SLC22A23: variants seen among roughly 807,000 people sequenced by gnomAD.
SLC22A23 encodes the protein ion transporter protein.
Under a neutral mutation model 61.0 loss-of-function variants are expected in SLC22A23, and 26 were observed. That is an observed-to-expected ratio of 0.43 (90% CI 0.31 to 0.59). SLC22A23 has a LOEUF of 0.59. SLC22A23 is among the 20% of genes least tolerant of loss of function. The pLI, the probability that SLC22A23 is intolerant of heterozygous loss-of-function variation, is 0.11. For synonymous variants in SLC22A23, 430 were observed against 413.9 expected, an observed-to-expected ratio of 1.04 and a Z score of -0.47; for missense variants, 796 against 934.7, an observed-to-expected ratio of 0.85 and a Z score of 1.94.
intron 1 of SLC22A23, among the ~76,000 whole-genome samples, chr6:3,450,634 G>C (rs1447208584): frequency 6.6e-6 from 1 of 152,174 alleles, no homozygotes; most frequent in Non-Finnish European, 1.5e-5. Flanking sequence ...AAGAATTTAA[G>C]AACTTTTAAT....
intron 1 of SLC22A23, among the ~76,000 whole-genome samples, chr6:3,448,092 G>A (rs1209119564): frequency 1.3e-5 from 2 of 150,802 alleles, no homozygotes; most frequent in South Asian, 2.1e-4. Context: ...TAGTAGAGGC[G>A]GGGTTTCACC....
intron 4 of SLC22A23, chr6:3,303,093 A>T: frequency 6.6e-6 from 1 of 152,308 alleles, no homozygotes; most frequent in East Asian, 1.9e-4. Flanking sequence ...GCCAACAAAC[A>T]TATATTAAAA....
chr6:3,282,477 A>C, intron 9 of SLC22A23: 1 of 594,382 alleles, frequency 1.7e-6, no homozygotes, highest in East Asian at 2.8e-5. Flanking sequence ...TGTTGTTAGC[A>C]TGGCTACTGG....
In SLC22A23 at chr6:3,318,597, G is replaced by C. The variant is rs1013153582; in HGVS notation, c.1082+5237C>G. Among the ~76,000 whole-genome samples the C allele has an allele frequency of 1.3e-5, 2 of 151,988 alleles. No homozygotes were observed. The highest frequency in any genetic ancestry group is 1.9e-4 in the East Asian group (1 of 5,178). ...CAGTGCTTCCCAGGAGGCCCTGTGT[G>C]GTCCTATGTACCCCTTCCTCCTGGG... On this transcript the variant is annotated intron_variant, in intron 4 of 9. Transcript: ENST00000406686. This position sits in a 1 kb window ranked among gnomAD's most constrained non-coding sequence, Gnocchi z 4.3.
chr6:3,442,190 G>C (rs1771644106), intron 1 of SLC22A23, among the ~76,000 whole-genome samples: 1 of 152,132 alleles, frequency 6.6e-6, no homozygotes, highest in African/African-American at 2.4e-5. Flanking sequence ...AAGGACAAAT[G>C]CTCTATTTAT....
chr6:3,424,524 T>A (rs1000346072), intron 1 of SLC22A23, among the ~76,000 whole-genome samples: 2 of 152,236 alleles, frequency 1.3e-5, no homozygotes, highest in Non-Finnish European at 2.9e-5. Context: ...TAAAGTTTAA[T>A]AAACTCCATT....
At chr6:3,279,381 C>T (rs530734691) in intron 9 of SLC22A23, among the ~76,000 whole-genome samples, 6 of 151,170 alleles carry the variant, frequency 4.0e-5, no homozygotes, top group African/African-American at 1.5e-4. Flanking sequence ...TGTGGTGGCG[C>T]GTGCACGTAA....
At chr6:3,452,492 A>C (rs1422268045) in intron 1 of SLC22A23, among the ~76,000 whole-genome samples, 1 of 151,642 alleles carries the variant, frequency 6.6e-6, no homozygotes, top group Non-Finnish European at 1.5e-5. Flanking sequence ...CCAGCTACTC[A>C]GGAGGCTGAG....
At chr6:3,394,177 A>T (rs1450859834) in intron 3 of SLC22A23, among the ~76,000 whole-genome samples, 1 of 152,160 alleles carries the variant, frequency 6.6e-6, no homozygotes, top group Non-Finnish European at 1.5e-5. Context: ...GGGATCGGGC[A>T]CTGTAATATC....
At chr6:3,445,344 A>G (rs977166801) in intron 1 of SLC22A23, among the ~76,000 whole-genome samples, 1 of 152,086 alleles carries the variant, frequency 6.6e-6, no homozygotes, top group African/African-American at 2.4e-5. Flanking sequence ...GATTACAGGC[A>G]CGCACCACCA....
chr6:3,354,110 CAT>C lies in SLC22A23; in HGVS notation c.914-30110_914-30109del, dbSNP rs944182379. Among the ~76,000 whole-genome samples, 22 of 152,360 alleles carry C rather than the reference CAT, an allele frequency of 1.4e-4. No individual in the cohort carries two copies. The Middle Eastern group carries it at 0.01, about 71-fold the overall frequency. ...ATTGTGGAAATTTCGATGGTGATCACATGTGTTTTCTCCTTAGAGTTGGCATG... is the reference window on the plus strand; with the variant it reads ...ATTGTGGAAATTTCGATGGTGATCACGTGTTTTCTCCTTAGAGTTGGCATG... On this transcript the variant is annotated intron_variant, in intron 3 of 9. Coordinates refer to ENST00000406686, the MANE Select transcript of SLC22A23 (RefSeq NM_015482.2).
chr6:3,368,116 T>A (rs1371712569), intron 3 of SLC22A23, among the ~76,000 whole-genome samples: 2 of 152,202 alleles, frequency 1.3e-5, no homozygotes, highest in East Asian at 3.9e-4. Flanking sequence ...TTTGGACAAA[T>A]GCTGCTTTCT....
At position 3,298,209 on chromosome 6, in the gene SLC22A23, G is replaced by C. The variant is rs779293542; in HGVS notation, c.1092C>G (p.Pro364=). The C allele has an allele frequency of 2.5e-6, 4 of 1,594,902 alleles. No individual in the cohort carries two copies. Among genetic ancestry groups the C allele is most frequent in the African/African-American group, 2.7e-5 (2 of 73,652 alleles). Residue 364 remains proline (P), a synonymous_variant, in exon 5 of 10, where the codon CCC becomes CCG. Transcript: ENST00000406686. ...LLMLLYWSIF[P]ESLRWLMATQ... ...TGGCCATTAGCCACCGGAGGGACTC[G>C]GGGAATATCCTTTAAAGACACAAAG...
At chr6:3,276,105 G>A (rs1173885899) in intron 9 of SLC22A23, among the ~76,000 whole-genome samples, 2 of 152,176 alleles carry the variant, frequency 1.3e-5, no homozygotes, top group East Asian at 3.8e-4. Context: ...TGGAAGAATG[G>A]TGATTGTGTG....
chr6:3,442,629 T>C (rs1771667453), intron 1 of SLC22A23, among the ~76,000 whole-genome samples: 1 of 152,154 alleles, frequency 6.6e-6, no homozygotes. Flanking sequence ...CACTCCATAG[T>C]GCAAATTACG....
rs530267914 is a variant in SLC22A23 at position 3,451,477 on chromosome 6, G to A, written c.654+4429C>T. On this transcript the variant is annotated intron_variant, in intron 1 of 9. Transcript: ENST00000406686. ...CTCCCAAAGTGCTGGGATTACAGGC[G>A]TGAGCCACTGCACCCAGCCTGTGCA... Among the ~76,000 whole-genome samples, 25 of 152,358 alleles carry A rather than the reference G, an allele frequency of 1.6e-4. No individual in the cohort carries two copies. In the South Asian group the frequency reaches 4.3e-3, roughly 26 times the overall value.
chr6:3,449,910 G>A (rs1168147517), intron 1 of SLC22A23, among the ~76,000 whole-genome samples: 1 of 152,226 alleles, frequency 6.6e-6, no homozygotes, highest in Non-Finnish European at 1.5e-5. Context: ...CTCGGTAAGT[G>A]ATTAGTTAAA....
At chr6:3,311,985 T>G (rs1454352157) in intron 4 of SLC22A23, 1 of 152,194 alleles carries the variant, frequency 6.6e-6, no homozygotes, top group African/African-American at 2.4e-5. Flanking sequence ...CCATCTAGAC[T>G]CAGGGCTAAC....
chr6:3,406,740 G>A (rs1448366238), intron 3 of SLC22A23, among the ~76,000 whole-genome samples: 1 of 152,144 alleles, frequency 6.6e-6, no homozygotes, highest in Non-Finnish European at 1.5e-5. Flanking sequence ...TCCTTAGGAA[G>A]ATGCCAGTAA....
Sources: gnomAD v4.1 joint callset for allele counts (sites outside exome capture counted in the v4.1 genomes callset) on GRCh38, gnomAD v4.1.1 for gene constraint, Gnocchi (gnomAD v3.1) non-coding constraint, MANE v1.5 for transcripts, NCBI Gene and HGNC (gene_info 2026-07-23, HGNC 2026-07-21) for gene names.